The following ASIC2 variants were observed in gnomAD, a reference collection of about 807,000 sequenced individuals.
ASIC2 encodes acid sensing ion channel subunit 2.
A neutral mutation model predicts 57.3 loss-of-function variants in ASIC2; 25 were observed. The ratio of observed to expected loss-of-function variants is 0.44; its 90% CI spans 0.32 to 0.61. The LOEUF is 0.61. ASIC2 is among the 20% of genes least tolerant of loss of function. The probability of loss-of-function intolerance (pLI) is 0.06; values close to 1 mark genes in which losing one functional copy is unlikely to be tolerated. For missense variants in ASIC2, 641 were observed against 738.1 expected, an observed-to-expected ratio of 0.87 and a Z score of 1.52; for synonymous variants, 319 against 307.5, an observed-to-expected ratio of 1.04 and a Z score of -0.39.
intron 1 of ASIC2, among the ~76,000 whole-genome samples, chr17:33,601,044 T>C (rs1176261277): frequency 6.6e-6 from 1 of 152,184 alleles, no homozygotes. Context: ...CTGTATGGCT[T>C]CTTTTGGCCA....
At chr17:33,114,094 CTA>C (rs1314247542) in intron 1 of ASIC2, among the ~76,000 whole-genome samples, 2 of 152,212 alleles carry the variant, frequency 1.3e-5, no homozygotes, top group African/African-American at 2.4e-5. Flanking sequence ...AGTGAAACAT[CTA>C]TGTTTTTCCT....
chr17:33,696,726 C>T (rs1033841180), intron 1 of ASIC2, among the ~76,000 whole-genome samples: 1 of 152,178 alleles, frequency 6.6e-6, no homozygotes, highest in Non-Finnish European at 1.5e-5. Flanking sequence ...AAACTGATAA[C>T]ACACAGAGTC....
At position 33,139,439 on chromosome 17, in the gene ASIC2, A is replaced by T. The variant is rs149351469; in HGVS notation, c.709-27372T>A. Among the ~76,000 whole-genome samples, 447 of 152,290 alleles carry T rather than the reference A, an allele frequency of 2.9e-3. 7 individuals carry two copies. The highest frequency in any genetic ancestry group is 0.01 in the African/African-American group (432 of 41,566). On this transcript the variant is annotated intron_variant, in intron 1 of 9. Coordinates refer to ENST00000225823, the MANE Select transcript of ASIC2 (RefSeq NM_183377.2). Reference sequence around the variant, plus strand: ...CTGTGTCCAGAATTTGCTAAATATGATCCCCTTTTTGCTTATCCAATAATT... The same window carrying T: ...CTGTGTCCAGAATTTGCTAAATATGTTCCCCTTTTTGCTTATCCAATAATT...
intron 1 of ASIC2, among the ~76,000 whole-genome samples, chr17:33,917,464 G>C (rs570565988): frequency 6.6e-6 from 1 of 152,176 alleles, no homozygotes; most frequent in South Asian, 2.1e-4. Context: ...TCAGTTTCCA[G>C]GTCCATCATC....
At chr17:33,129,773 C>T (rs937589446) in intron 1 of ASIC2, among the ~76,000 whole-genome samples, 6 of 152,178 alleles carry the variant, frequency 3.9e-5, no homozygotes, top group Non-Finnish European at 8.8e-5. Context: ...CCTGTCCTGT[C>T]CTGTGGGACA....
At chr17:33,156,707 G>T (rs1392099330) in intron 1 of ASIC2, among the ~76,000 whole-genome samples, 1 of 152,052 alleles carries the variant, frequency 6.6e-6, no homozygotes, top group Non-Finnish European at 1.5e-5. Flanking sequence ...AGTGAGCCGA[G>T]ATTGTGACAC....
chr17:34,025,457 AC>A (rs1331846619), intron 1 of ASIC2, among the ~76,000 whole-genome samples: 8 of 152,264 alleles, frequency 5.3e-5, no homozygotes, highest in Admixed American at 4.6e-4. Context: ...ACACAAAAGC[AC>A]CCGACCTTGC....
At chr17:33,207,737 C>T (rs1052066606) in intron 1 of ASIC2, among the ~76,000 whole-genome samples, 1 of 152,184 alleles carries the variant, frequency 6.6e-6, no homozygotes, top group Admixed American at 6.5e-5. Flanking sequence ...GCCAAGAGCA[C>T]TTGTTGGCCA....
intron 1 of ASIC2, among the ~76,000 whole-genome samples, chr17:33,719,645 G>A (rs1909327340): frequency 6.6e-6 from 1 of 152,240 alleles, no homozygotes; most frequent in African/African-American, 2.4e-5. Flanking sequence ...TGGGCATGGA[G>A]CCTTCAGTAC....
At chr17:33,114,980 T>A (rs1046065867) in intron 1 of ASIC2, among the ~76,000 whole-genome samples, 1 of 152,158 alleles carries the variant, frequency 6.6e-6, no homozygotes. Flanking sequence ...GCAGATACAG[T>A]GGGAATGGAA....
intron 1 of ASIC2, among the ~76,000 whole-genome samples, chr17:34,050,076 A>G (rs1256415083): frequency 2.0e-5 from 3 of 152,182 alleles, no homozygotes; most frequent in African/African-American, 7.2e-5. Context: ...TTGCATAACA[A>G]TATTATACTC....
chr17:33,532,303 C>T (rs903613695), intron 1 of ASIC2, among the ~76,000 whole-genome samples: 6 of 152,216 alleles, frequency 3.9e-5, no homozygotes, highest in Non-Finnish European at 8.8e-5. Flanking sequence ...AATGCATGAT[C>T]CACATGGTCC....
chr17:33,717,207 A>T (rs1027984566), intron 1 of ASIC2, among the ~76,000 whole-genome samples: 3 of 152,256 alleles, frequency 2.0e-5, no homozygotes, highest in Admixed American at 1.3e-4. Context: ...TCAGGAAAAT[A>T]TGTTAATTTG....
intron 1 of ASIC2, among the ~76,000 whole-genome samples, chr17:33,445,497 A>G (rs143340071): frequency 6.6e-6 from 1 of 152,236 alleles, no homozygotes; most frequent in East Asian, 1.9e-4. Flanking sequence ...CTGATCTGCT[A>G]CATACCAGCA....
intron 1 of ASIC2, among the ~76,000 whole-genome samples, chr17:33,485,632 A>C (rs896548531): frequency 6.6e-6 from 1 of 151,988 alleles, no homozygotes; most frequent in African/African-American, 2.4e-5. Context: ...ACCTCCCCTA[A>C]ACTCAATGAA....
In ASIC2 at chr17:33,690,985, G is replaced by A. The variant is rs547909876; in HGVS notation, c.555+464993C>T. Among the ~76,000 whole-genome samples, 22 of 152,012 alleles carry A rather than the reference G, an allele frequency of 1.4e-4. No homozygotes were observed. The East Asian group carries it at 2.5e-3, about 17-fold the overall frequency. ...AGGATGGTCTCCATCTCCTGACCTC[G>A]TGATCTGCCCATCTCGGCCTCCCAA... On this transcript the variant is annotated intron_variant, in intron 1 of 9. Coordinates refer to the ASIC2 transcript ENST00000359872.
intron 1 of ASIC2, among the ~76,000 whole-genome samples, chr17:33,120,336 A>G (rs1193678329): frequency 6.6e-6 from 1 of 152,188 alleles, no homozygotes; most frequent in Admixed American, 6.5e-5. Context: ...CAGACCGTGC[A>G]GGAAGAGATG....
rs188125929 is a variant in ASIC2 at position 33,213,123 on chromosome 17, T to C, written c.708+78285A>G. Among the ~76,000 whole-genome samples, 313 of 152,318 alleles carry C rather than the reference T, an allele frequency of 2.1e-3. 1 individual carries two copies. The highest frequency in any genetic ancestry group is 7.1e-3 in the African/African-American group (293 of 41,552). ...TTCATTCAGCTTTTATGAAAGCAGGTCTTGAGGCTCCTTGTGTTGGCCTCT... is the reference window on the plus strand; with the variant it reads ...TTCATTCAGCTTTTATGAAAGCAGGCCTTGAGGCTCCTTGTGTTGGCCTCT... On this transcript the variant is annotated intron_variant, in intron 1 of 9. Coordinates refer to ENST00000225823, the MANE Select transcript of ASIC2 (RefSeq NM_183377.2).
At chr17:33,215,951 G>A (rs537376533) in intron 1 of ASIC2, among the ~76,000 whole-genome samples, 10 of 152,014 alleles carry the variant, frequency 6.6e-5, no homozygotes, top group Non-Finnish European at 1.3e-4. Flanking sequence ...CGCCCGCCTC[G>A]GCCTCCCAAA....
Sources: gnomAD v4.1 joint callset for allele counts (sites outside exome capture counted in the v4.1 genomes callset) on GRCh38, gnomAD v4.1.1 for gene constraint, MANE v1.5 for transcripts, NCBI Gene and HGNC (gene_info 2026-07-23, HGNC 2026-07-21) for gene names.